CNTN5: variants seen among roughly 807,000 people sequenced by gnomAD.
CNTN5 encodes the protein contactin-5.
Under a neutral mutation model 129.1 loss-of-function variants are expected in CNTN5, and 77 were observed. The ratio of observed to expected loss-of-function variants is 0.60; its 90% CI spans 0.50 to 0.72. The LOEUF is 0.72. CNTN5 is among the 30% of genes least tolerant of loss of function. The probability of loss-of-function intolerance (pLI) is 0.00; values close to 1 mark genes in which losing one functional copy is unlikely to be tolerated. For synonymous variants in CNTN5, 509 were observed against 465.6 expected (o/e 1.09, Z -1.20); for missense variants, 1,478 against 1,328.8 (o/e 1.11, Z -1.75).
At chr11:100,322,302 A>G (rs999700511) in intron 21 of CNTN5, among the ~76,000 whole-genome samples, 1 of 151,878 alleles carries the variant, frequency 6.6e-6, no homozygotes, top group Non-Finnish European at 1.5e-5. Flanking sequence ...AGCTCACTGC[A>G]AGCTCCGCCT....
chr11:99,316,782 C>A (rs1865359245), intron 1 of CNTN5, among the ~76,000 whole-genome samples: 1 of 151,206 alleles, frequency 6.6e-6, no homozygotes, highest in African/African-American at 2.4e-5. Flanking sequence ...TGAAGCAAAT[C>A]TCTCTGCTTT....
chr11:99,969,005 T>C (rs1345222449), intron 8 of CNTN5, among the ~76,000 whole-genome samples: 1 of 152,068 alleles, frequency 6.6e-6, no homozygotes, highest in Non-Finnish European at 1.5e-5. Flanking sequence ...ATCAAAAAAA[T>C]TTTGGACGAT....
At position 100,154,805 on chromosome 11, in the gene CNTN5, G is replaced by A. The variant is rs1947183666; in HGVS notation, c.1581-36321G>A. ...TGAGCTTTATTTCATATGTTTGTTG[G>A]CTGCATAAATGTCATCTTTTTAGAA... On this transcript the variant is annotated intron_variant, in intron 13 of 24. Coordinates refer to ENST00000524871, the MANE Select transcript of CNTN5 (RefSeq NM_014361.4). Among the ~76,000 whole-genome samples the A allele has an allele frequency of 2.0e-5, 3 of 152,232 alleles. No homozygotes were observed. The South Asian group carries it at 6.2e-4, about 32-fold the overall frequency.
chr11:99,394,087 CCT>C (rs1230627630), intron 2 of CNTN5, among the ~76,000 whole-genome samples: 1 of 151,458 alleles, frequency 6.6e-6, no homozygotes, highest in African/African-American at 2.4e-5. Context: ...TGTGAAGTAC[CCT>C]CTTTATTCAC....
chr11:99,250,975 A>G (rs1392392432), intron 1 of CNTN5, among the ~76,000 whole-genome samples: 1 of 151,940 alleles, frequency 6.6e-6, no homozygotes. Flanking sequence ...AGGGTAAAAC[A>G]ATTAGACTTG....
At chr11:99,094,917 C>A (rs1430423608) in intron 1 of CNTN5, among the ~76,000 whole-genome samples, 1 of 151,668 alleles carries the variant, frequency 6.6e-6, no homozygotes, top group Admixed American at 6.6e-5. Flanking sequence ...AGTAAAAGTA[C>A]CTTTTCCACC....
At chr11:99,524,566 C>A (rs1252352607) in intron 2 of CNTN5, among the ~76,000 whole-genome samples, 1 of 151,988 alleles carries the variant, frequency 6.6e-6, no homozygotes, top group Non-Finnish European at 1.5e-5. Context: ...AATCCTAGCA[C>A]TTTGGGAGGC....
At chr11:99,767,573 T>C (rs1944796604) in intron 3 of CNTN5, among the ~76,000 whole-genome samples, 1 of 151,840 alleles carries the variant, frequency 6.6e-6, no homozygotes. Context: ...TAAGATTTTT[T>C]TGGAAAAGCT....
chr11:100,308,396 T>A lies in CNTN5; in HGVS notation c.2658T>A (p.Ser886Arg), dbSNP rs754533054. The A allele has an allele frequency of 6.2e-7, 1 of 1,611,056 alleles. No homozygotes were observed. Among genetic ancestry groups the A allele is most frequent in the Middle Eastern group, 1.7e-4 (1 of 6,040 alleles). Residue 886 changes from serine to arginine, a missense_variant, in exon 21 of 25, where the codon AGT (serine) becomes AGA (arginine). Coordinates refer to ENST00000524871, the MANE Select transcript of CNTN5 (RefSeq NM_014361.4). ...SAAPTDVKAT[S>R]VSVSEILVAW... ...CTCCCACAGATGTCAAGGCGACAAGTGTGTCTGTGTCAGAGATTCTTGTTG... is the reference window on the plus strand; with the variant it reads ...CTCCCACAGATGTCAAGGCGACAAGAGTGTCTGTGTCAGAGATTCTTGTTG...
At chr11:99,353,417 A>T (rs1433834635) in intron 2 of CNTN5, among the ~76,000 whole-genome samples, 1 of 152,140 alleles carries the variant, frequency 6.6e-6, no homozygotes, top group South Asian at 2.1e-4. Context: ...TGCTTGTCCA[A>T]ACTAGTATTT....
intron 18 of CNTN5, among the ~76,000 whole-genome samples, chr11:100,275,497 A>T (rs1354621163): frequency 6.6e-6 from 1 of 151,974 alleles, no homozygotes; most frequent in African/African-American, 2.4e-5. Context: ...ATAAATATTC[A>T]TTTCAAAAAT....
At chr11:100,058,493 T>G (rs1943330268) in intron 9 of CNTN5, among the ~76,000 whole-genome samples, 1 of 152,068 alleles carries the variant, frequency 6.6e-6, no homozygotes, top group Non-Finnish European at 1.5e-5. Context: ...CCTCTGAATA[T>G]ATGCAAAAAT....
chr11:99,437,470 TAAAC>T (rs1242502895), intron 2 of CNTN5, among the ~76,000 whole-genome samples: 1 of 152,224 alleles, frequency 6.6e-6, no homozygotes, highest in Non-Finnish European at 1.5e-5. Flanking sequence ...AGAAAACACT[TAAAC>T]AATATTTCCC....
chr11:99,819,445 GA>G (rs1946713383), intron 3 of CNTN5, 98 bp from the exon 4 acceptor site: 1 of 998,060 alleles, frequency 1.0e-6, no homozygotes, highest in Admixed American at 2.4e-5. Flanking sequence ...CAGCTCCAAA[GA>G]AGGTTTTTAG....
At chr11:99,962,551 C>A (rs936201509) in intron 8 of CNTN5, among the ~76,000 whole-genome samples, 1 of 151,572 alleles carries the variant, frequency 6.6e-6, no homozygotes, top group African/African-American at 2.4e-5. Context: ...TTAATCCAGT[C>A]TATCATTGTT....
Position 100,358,601 on chromosome 11 carries a change from AG to A in CNTN5, c.*2382del, listed in dbSNP as rs1472055937. 1 of 151,874 alleles carries A rather than the reference AG, an allele frequency of 6.6e-6. No individual in the cohort carries two copies. The highest frequency in any genetic ancestry group is 1.5e-5 in the Non-Finnish European group (1 of 67,834). 9.4% of individuals were successfully genotyped at this position (151,874 alleles called of 1,614,324 possible). A position where few individuals can be genotyped will look rare whatever the true frequency, so the allele number is the denominator to read the frequency against. ...TTTTCTGCTATGGGATAGTAACCACAGTCTTAAATCACTAAAGAGACTGTAT... is the reference window on the plus strand; with the variant it reads ...TTTTCTGCTATGGGATAGTAACCACATCTTAAATCACTAAAGAGACTGTAT... On this transcript the variant is annotated 3_prime_UTR_variant, in exon 25 of 25. Coordinates refer to ENST00000524871, the MANE Select transcript of CNTN5 (RefSeq NM_014361.4).
chr11:99,893,112 C>G (rs1367978625), intron 6 of CNTN5, among the ~76,000 whole-genome samples: 1 of 152,094 alleles, frequency 6.6e-6, no homozygotes, highest in African/African-American at 2.4e-5. Flanking sequence ...TAAAAATTAA[C>G]CACTCCACAG....
At chr11:100,001,633 C>T (rs1376453758) in intron 8 of CNTN5, among the ~76,000 whole-genome samples, 2 of 152,086 alleles carry the variant, frequency 1.3e-5, no homozygotes, top group East Asian at 1.9e-4. Context: ...TGGCAAAATG[C>T]CGTGCATATT....
chr11:99,029,171 T>A (rs889239274), intron 1 of CNTN5, among the ~76,000 whole-genome samples: 2 of 151,832 alleles, frequency 1.3e-5, no homozygotes, highest in Non-Finnish European at 2.9e-5. Context: ...GGAAGAAATT[T>A]TTATTTTACT....
Sources: allele counts gnomAD v4.1 joint callset (sites outside exome capture counted in the v4.1 genomes callset), GRCh38; gene constraint gnomAD v4.1.1; transcripts MANE v1.5; gene names NCBI Gene and HGNC (gene_info 2026-07-23, HGNC 2026-07-21).